NALCN: variants seen among roughly 807,000 people sequenced by gnomAD.
NALCN encodes the protein sodium leak channel, non-selective.
In NALCN, 111 loss-of-function variants were observed where a neutral mutation model predicts 225.3. The ratio of observed to expected loss-of-function variants is 0.49; its 90% CI spans 0.42 to 0.58. The LOEUF (loss-of-function observed/expected upper bound fraction) is 0.58. Ranked by LOEUF, NALCN falls within the 20% of genes least tolerant of loss-of-function variation. The pLI is 0.00. For synonymous variants in NALCN, 764 were observed against 769.0 expected, an observed-to-expected ratio of 0.99 and a Z score of 0.11; for missense variants, 1,378 against 2,202.4, an observed-to-expected ratio of 0.63 and a Z score of 7.49.
chr13:101,123,390 C>G (rs2036073273), intron 18 of NALCN, among the ~76,000 whole-genome samples: 1 of 152,162 alleles, frequency 6.6e-6, no homozygotes, highest in South Asian at 2.1e-4. Context: ...ATGAACCTGT[C>G]TGATGTAGGT....
intron 15 of NALCN, among the ~76,000 whole-genome samples, chr13:101,173,110 C>G (rs2038811766): frequency 6.6e-6 from 1 of 152,158 alleles, no homozygotes; most frequent in Admixed American, 6.5e-5. Context: ...GACTGTAACT[C>G]CAGTGGCTCT....
intron 1 of NALCN, among the ~76,000 whole-genome samples, chr13:101,405,524 T>C (rs761571254): frequency 1.3e-4 from 20 of 152,160 alleles, no homozygotes; most frequent in Non-Finnish European, 2.5e-4. Flanking sequence ...TCTGTGCATC[T>C]TGAGTGTATG....
intron 7 of NALCN, among the ~76,000 whole-genome samples, chr13:101,319,435 C>T (rs949741834): frequency 6.6e-6 from 1 of 152,190 alleles, no homozygotes; most frequent in Non-Finnish European, 1.5e-5. Flanking sequence ...AAGATGAAAC[C>T]TTCTGCTTTA....
At chr13:101,078,613 C>T (rs549877156) in intron 34 of NALCN, among the ~76,000 whole-genome samples, 4 of 152,306 alleles carry the variant, frequency 2.6e-5, no homozygotes. Context: ...TGCCTGTACC[C>T]CCATTGTATC....
chr13:101,263,930 T>C (rs1481313430), intron 10 of NALCN, among the ~76,000 whole-genome samples: 1 of 152,242 alleles, frequency 6.6e-6, no homozygotes, highest in African/African-American at 2.4e-5. Context: ...ATCAGTTTCT[T>C]TAATGTAAAA....
At chr13:101,388,200 A>T (rs2047047349) in intron 3 of NALCN, among the ~76,000 whole-genome samples, 1 of 152,186 alleles carries the variant, frequency 6.6e-6, no homozygotes, top group Non-Finnish European at 1.5e-5. Flanking sequence ...GGATAAACAG[A>T]TTTCATATTT....
intron 1 of NALCN, among the ~76,000 whole-genome samples, chr13:101,410,662 GC>G (rs1342163819): frequency 1.3e-5 from 2 of 152,122 alleles, no homozygotes; most frequent in Admixed American, 6.5e-5. Context: ...AAGAAAGGAA[GC>G]AAAACGATAT....
intron 6 of NALCN, among the ~76,000 whole-genome samples, chr13:101,357,884 C>A (rs2046110381): frequency 6.6e-6 from 1 of 152,092 alleles, no homozygotes; most frequent in Admixed American, 6.6e-5. Context: ...TCACATCACG[C>A]ATCTACAACC....
chr13:101,102,934 G>C lies in NALCN; in HGVS notation c.3057+238C>G, dbSNP rs650273. The stretch of plus-strand genomic sequence containing the variant: ...TTAGTACCGAAAGAGTCAGCAGATA[G>C]GAACTCTTTCAAATCTCAGAGTGCT... On this transcript the variant is annotated intron_variant, in intron 26 of 43. Coordinates refer to ENST00000251127, the MANE Select transcript of NALCN (RefSeq NM_052867.4). Among the ~76,000 whole-genome samples, 141,128 of 152,242 alleles carry C rather than the reference G, an allele frequency of 0.93. 65,500 individuals are homozygous for C. The highest frequency in any genetic ancestry group is 0.95 in the East Asian group (4,903 of 5,160).
At position 101,282,094 on chromosome 13, in the gene NALCN, T is replaced by C. The variant is rs181433324; in HGVS notation, c.1134+1839A>G. Among the ~76,000 whole-genome samples, 4 of 152,292 alleles carry C rather than the reference T, an allele frequency of 2.6e-5. No individual in the cohort carries two copies. In the East Asian group the frequency reaches 5.8e-4, roughly 22 times the overall value. On this transcript the variant is annotated intron_variant, in intron 10 of 43. Coordinates refer to ENST00000251127, the MANE Select transcript of NALCN (RefSeq NM_052867.4). The stretch of plus-strand genomic sequence containing the variant: ...GGTAGAGCCATTCTGAAACGCAGTA[T>C]GGAGGTTTCCCAAAAAATTAAAAAT...
At chr13:101,229,149 A>G (rs2041253689) in intron 13 of NALCN, among the ~76,000 whole-genome samples, 2 of 152,192 alleles carry the variant, frequency 1.3e-5, no homozygotes, top group South Asian at 4.1e-4. Context: ...AGGTTTCAGC[A>G]TCTAACTCTA....
intron 11 of NALCN, among the ~76,000 whole-genome samples, chr13:101,257,209 GTTTTT>G (rs34334262): frequency 8.3e-6 from 1 of 121,116 alleles, no homozygotes. Context: ...ATTGTTTATT[GTTTTT>G]TTTTTTTTTT....
At chr13:101,298,271 T>G (rs2043827831) in intron 7 of NALCN, among the ~76,000 whole-genome samples, 1 of 152,202 alleles carries the variant, frequency 6.6e-6, no homozygotes, top group South Asian at 2.1e-4. Flanking sequence ...ATATTGGTTT[T>G]TATTTGTTTC....
At chr13:101,218,761 C>G (rs140062855) in intron 13 of NALCN, among the ~76,000 whole-genome samples, 3 of 152,024 alleles carry the variant, frequency 2.0e-5, no homozygotes, top group African/African-American at 7.2e-5. Flanking sequence ...TGCCTGCTTC[C>G]CCTTTGCCTT....
chr13:101,276,048 G>A (rs2042960379), intron 10 of NALCN, among the ~76,000 whole-genome samples: 1 of 122,170 alleles, frequency 8.2e-6, no homozygotes, highest in Admixed American at 1.0e-4. Flanking sequence ...TGATGACAGA[G>A]CGAGACTCCT....
chr13:101,319,154 A>T (rs1207043010), intron 7 of NALCN, among the ~76,000 whole-genome samples: 1 of 152,158 alleles, frequency 6.6e-6, no homozygotes, highest in East Asian at 1.9e-4. Context: ...CCCAGACAAA[A>T]TGGAGGAAGT....
chr13:101,228,524 T>C (rs551139946), intron 13 of NALCN, among the ~76,000 whole-genome samples: 1 of 152,224 alleles, frequency 6.6e-6, no homozygotes, highest in African/African-American at 2.4e-5. Context: ...CGAGATCTGA[T>C]GGTTTTATAA....
intron 41 of NALCN, 45 bp downstream of exon 41, chr13:101,061,923 C>T (rs931932803): frequency 1.6e-5 from 17 of 1,032,020 alleles, no homozygotes; most frequent in South Asian, 4.1e-5. Context: ...CGGGGCAGGG[C>T]GGGGCGGGGC....
At chr13:101,236,302 T>C (rs935140003) in intron 12 of NALCN, among the ~76,000 whole-genome samples, 1 of 152,210 alleles carries the variant, frequency 6.6e-6, no homozygotes, top group Non-Finnish European at 1.5e-5. Context: ...GGAACACTTT[T>C]ACACTGTTGG....
Sources: allele counts gnomAD v4.1 joint callset (sites outside exome capture counted in the v4.1 genomes callset), GRCh38; gene constraint gnomAD v4.1.1; transcripts MANE v1.5; gene names NCBI Gene and HGNC (gene_info 2026-07-23, HGNC 2026-07-21).